Variants in YWHAZ observed in about 807,000 individuals in gnomAD.
YWHAZ encodes the protein tyrosine 3-monooxygenase/tryptophan 5-monooxygenase activation protein zeta, also known as 14-3-3 protein zeta/delta.
For synonymous variants in YWHAZ, 87 were observed against 103.6 expected, an observed-to-expected ratio of 0.84 and a Z score of 0.97; for missense variants, 79 against 284.8, an observed-to-expected ratio of 0.28 and a Z score of 5.20.
At position 100,918,399 on chromosome 8, in the gene YWHAZ, A is replaced by G; in HGVS notation, c.*2294T>C. The G allele has an allele frequency of 1.9e-5, 1 of 53,860 alleles. No individual in the cohort carries two copies. Among genetic ancestry groups the G allele is most frequent in the South Asian group, 8.2e-4 (1 of 1,214 alleles). The allele number at this position is 53,860 out of a possible 1,614,324, so 3.3% of individuals were successfully genotyped here. ...CACCTCTTCAGTCTAGCTATAAAAT[A>G]TAATTACTTTATATATATATATATA... On this transcript the variant is annotated 3_prime_UTR_variant, in exon 6 of 6. Coordinates refer to ENST00000395958, the MANE Select transcript of YWHAZ (RefSeq NM_145690.3).
rs1358309788 is a variant in YWHAZ, at chr8:100,948,580, C to T, written c.294+16G>A. On this transcript the variant is annotated intron_variant, in intron 2 of 5. Transcript: ENST00000395958. This position sits in a 1 kb window ranked among gnomAD's most constrained non-coding sequence, Gnocchi z 4.2. The stretch of plus-strand genomic sequence containing the variant: ...GACCCTACAGTATAATGAAGCCAGA[C>T]TGAATTGATTCTCACCAGTACATCA... 6.2e-7 allele frequency: 1 copy of T among 1,608,262 alleles called. No individual in the cohort carries two copies. The highest frequency in any genetic ancestry group is 8.5e-7 in the Non-Finnish European group (1 of 1,177,806).
chr8:100,933,689 G>C (rs148296564), intron 2 of YWHAZ, among the ~76,000 whole-genome samples: 99 of 150,608 alleles, frequency 6.6e-4, no homozygotes, highest in Non-Finnish European at 1.2e-4. Context: ...AGAGAAAAAA[G>C]GGAAATATCC....
chr8:100,943,698 C>CCTGGACACCG (rs1471323684), intron 2 of YWHAZ, among the ~76,000 whole-genome samples: 1 of 152,144 alleles, frequency 6.6e-6, no homozygotes, highest in Non-Finnish European at 1.5e-5. Flanking sequence ...ACCAAAGACA[C>CCTGGACACCG]TGTCCAGGCC....
intron 1 of YWHAZ, 132 bp downstream of exon 1, chr8:100,951,797 G>A: frequency 1.0e-6 from 1 of 985,444 alleles, no homozygotes; most frequent in Non-Finnish European, 1.2e-6. Flanking sequence ...CCGCTGAGGA[G>A]ACTCCGCCTC....
At chr8:100,947,006 C>A (rs1435163942) in intron 2 of YWHAZ, among the ~76,000 whole-genome samples, 2 of 151,648 alleles carry the variant, frequency 1.3e-5, no homozygotes, top group Admixed American at 6.6e-5. Context: ...GTAATCCCAG[C>A]ACTTTGGGAG....
At chr8:100,950,418 G>A (rs1810627471) in intron 1 of YWHAZ, 1 of 985,480 alleles carries the variant, frequency 1.0e-6, no homozygotes. Flanking sequence ...GACTTGAGAC[G>A]TCGGTTACTG....
rs1586141133 is a variant in YWHAZ, at chr8:100,941,529, A to T, written c.294+7067T>A. Among the ~76,000 whole-genome samples the T allele has an allele frequency of 3.3e-5, 5 of 152,336 alleles. 1 individual carries two copies. The South Asian group carries it at 1.0e-3, about 32-fold the overall frequency. ...GCCGGGTATGGTGGCTCACGACTGTAATCCCAGCACTTTGGGAGGCCGGGG... is the reference window on the plus strand; with the variant it reads ...GCCGGGTATGGTGGCTCACGACTGTTATCCCAGCACTTTGGGAGGCCGGGG... On this transcript the variant is annotated intron_variant, in intron 2 of 5. Transcript: ENST00000395958.
At chr8:100,925,972 C>T (rs1040459678) in intron 2 of YWHAZ, among the ~76,000 whole-genome samples, 2 of 152,080 alleles carry the variant, frequency 1.3e-5, no homozygotes, top group African/African-American at 2.4e-5. Context: ...TACCCCACTT[C>T]CTTTAAAGTT....
chr8:100,938,723 T>G (rs1041219527), intron 2 of YWHAZ, among the ~76,000 whole-genome samples: 1 of 152,208 alleles, frequency 6.6e-6, no homozygotes, highest in Non-Finnish European at 1.5e-5. Flanking sequence ...TGTCACACAT[T>G]AGGGGCCCAT....
At chr8:100,951,631 C>T (rs1171282945) in intron 1 of YWHAZ, 2 of 985,172 alleles carry the variant, frequency 2.0e-6, no homozygotes, top group Admixed American at 6.2e-5. Context: ...AGGGAGATCC[C>T]CAGGGATCTC....
intron 2 of YWHAZ, among the ~76,000 whole-genome samples, chr8:100,936,476 C>T (rs1359424062): frequency 2.6e-5 from 4 of 152,126 alleles, no homozygotes; most frequent in Non-Finnish European, 5.9e-5. Context: ...CATATCACTT[C>T]CAGGAGTTCT....
chr8:100,923,765 G>A (rs1203541458), intron 5 of YWHAZ, 190 bp downstream of exon 5: 2 of 470,372 alleles, frequency 4.3e-6, no homozygotes, highest in African/African-American at 4.0e-5. Flanking sequence ...TTAGTTCTCA[G>A]TCTAATATTT....
At chr8:100,952,952 C>A, upstream of YWHAZ, 1 of 1,000,634 alleles carries the variant, frequency 1.0e-6, no homozygotes, top group Non-Finnish European at 1.2e-6. Context: ...GCGTTCCAAT[C>A]GAGAGCGCGG....
In YWHAZ at chr8:100,940,324, C is replaced by T. The variant is rs919070836; in HGVS notation, c.294+8272G>A. 5.3e-5 allele frequency among the ~76,000 whole-genome samples: 8 copies of T among 152,044 alleles called. No individual in the cohort carries two copies. The South Asian group carries it at 6.2e-4, about 12-fold the overall frequency. On this transcript the variant is annotated intron_variant, in intron 2 of 5. Transcript: ENST00000395958. ...CCTCATTTTTCATAGGGCTTTTTAG[C>T]TTGTAAGTGGCACGCTATGTATTAT...
upstream of YWHAZ, chr8:100,952,283 C>T (rs1380338897): frequency 5.1e-6 from 2 of 395,244 alleles, no homozygotes; most frequent in Non-Finnish European, 6.9e-6. Context: ...CGGCTTCCAG[C>T]TCCTCTACGC....
intron 2 of YWHAZ, among the ~76,000 whole-genome samples, chr8:100,936,784 G>A (rs924113689): frequency 1.3e-5 from 2 of 152,104 alleles, no homozygotes. Context: ...CAGCCTGGGG[G>A]ACAGAGTGAG....
chr8:100,945,953 C>G (rs934985908), intron 2 of YWHAZ, among the ~76,000 whole-genome samples: 1 of 152,000 alleles, frequency 6.6e-6, no homozygotes, highest in Non-Finnish European at 1.5e-5. Flanking sequence ...CTGAAAAGAC[C>G]AAGGCTGGAA....
chr8:100,946,113 G>C (rs1357006148), intron 2 of YWHAZ, among the ~76,000 whole-genome samples: 1 of 152,192 alleles, frequency 6.6e-6, no homozygotes, highest in Non-Finnish European at 1.5e-5. Flanking sequence ...GTAGGGACCA[G>C]AGTGAACTTC....
chr8:100,931,101 TA>T (rs1226676284), intron 2 of YWHAZ, among the ~76,000 whole-genome samples: 1 of 152,216 alleles, frequency 6.6e-6, no homozygotes, highest in Admixed American at 6.5e-5. Flanking sequence ...GTAGTATAAT[TA>T]ACCTCTTAGA....
Sources: gnomAD v4.1 joint callset for allele counts (sites outside exome capture counted in the v4.1 genomes callset) on GRCh38, gnomAD v4.1.1 for gene constraint, Gnocchi (gnomAD v3.1) non-coding constraint, MANE v1.5 for transcripts, NCBI Gene and HGNC (gene_info 2026-07-23, HGNC 2026-07-21) for gene names.